XPC: variants seen among roughly 807,000 people sequenced by gnomAD.
XPC encodes the protein DNA repair protein complementing XP-C cells.
In XPC, 76 loss-of-function variants were observed where a neutral mutation model predicts 95.8. The observed-to-expected ratio is 0.79, with a 90% CI of 0.66 to 0.96. The LOEUF (loss-of-function observed/expected upper bound fraction) is 0.96, where lower values mean the gene tolerates loss of function less well. Among genes scored for constraint, XPC ranks in the 40% least tolerant of loss-of-function variants. The pLI is 0.00. For missense variants in XPC, 1,146 were observed against 1,179.8 expected (o/e 0.97, Z 0.42); for synonymous variants, 442 against 442.1 (o/e 1.00, Z 0.00).
Position 14,167,257 on chromosome 3 carries a change from CAACA to C in XPC, c.537-8_537-5del, listed in dbSNP as rs1210551886. ...AAACTCCAGTTTTATCTTTTCACTG[CAACA>C]AATAGTGAAAAATCTGGGAATGAAG... On this transcript the variant is annotated splice_polypyrimidine_tract_variant and splice_region_variant and intron_variant, in intron 4 of 15. Coordinates refer to ENST00000285021, the MANE Select transcript of XPC (RefSeq NM_004628.5). 7.5e-6 allele frequency: 12 copies of C among 1,609,550 alleles called. No homozygotes were observed. In the African/African-American group the frequency reaches 1.5e-4, roughly 20 times the overall value.
intron 12 of XPC, 30 bp downstream of exon 12, chr3:14,148,784 G>A (rs767343111): frequency 8.7e-6 from 14 of 1,613,484 alleles, no homozygotes; most frequent in Non-Finnish European, 1.1e-5. Flanking sequence ...AAGGCGGCCT[G>A]GTCCTGAGCC....
At chr3:14,167,836 G>A (rs968138069) in intron 4 of XPC, among the ~76,000 whole-genome samples, 5 of 152,140 alleles carry the variant, frequency 3.3e-5, no homozygotes, top group South Asian at 2.1e-4. Flanking sequence ...CTACCACGGC[G>A]GGCACTGCCT....
At chr3:14,148,147 C>T in intron 13 of XPC, 146 bp from the exon 14 acceptor site, 1 of 686,860 alleles carries the variant, frequency 1.5e-6, no homozygotes, top group Non-Finnish European at 2.5e-6. Context: ...CCCACATCCT[C>T]CGTGCAGAAG....
chr3:14,160,660 A>G (rs1481202843), intron 7 of XPC, among the ~76,000 whole-genome samples: 3 of 152,242 alleles, frequency 2.0e-5, no homozygotes, highest in Non-Finnish European at 4.4e-5. Flanking sequence ...GACTAAGGAG[A>G]CATGATGACT....
chr3:14,147,330 A>T lies in XPC; in HGVS notation c.2564T>A (p.Leu855Gln). The change falls in exon 15 of 16, where the codon CTG (leucine) becomes CAG (glutamine). Residue 855 changes from leucine (L) to glutamine (Q), a missense_variant. Leu to Gln is a moderately radical substitution (Grantham distance 113). Transcript: ENST00000285021. ...LGNWKLLAKG[L>Q]LIRERLKRRY... The stretch of plus-strand genomic sequence containing the variant: ...ACGCTTCAGCCTCTCCCTGATGAGC[A>T]GACCTTTGGCCAGCAACTTCCAGTT... 6.2e-7 allele frequency: 1 copy of T among 1,612,228 alleles called. No individual in the cohort carries two copies. The highest frequency in any genetic ancestry group is 1.3e-5 in the African/African-American group (1 of 75,016).
In XPC at chr3:14,159,905, T is replaced by A; in HGVS notation, c.901-75A>T. On this transcript the variant is annotated intron_variant, in intron 7 of 15. Coordinates refer to ENST00000285021, the MANE Select transcript of XPC (RefSeq NM_004628.5). ...GTAATGAGTTCAATGTTGTTTGTTA[T>A]GGTGCTTGTTCAAGACAGGGAAAAG... 5 of 1,412,734 alleles carry A rather than the reference T, an allele frequency of 3.5e-6. No homozygotes were observed. The African/African-American group carries it at 4.3e-5, about 12-fold the overall frequency. The allele number at this position is 1,412,734 out of a possible 1,614,324, so 87.5% of individuals were successfully genotyped here. A position where few individuals can be genotyped will look rare whatever the true frequency, so the allele number is the denominator to read the frequency against.
At chr3:14,176,913 C>T (rs1463280642) in intron 1 of XPC, among the ~76,000 whole-genome samples, 1 of 152,176 alleles carries the variant, frequency 6.6e-6, no homozygotes, top group East Asian at 1.9e-4. Flanking sequence ...CCAGCCTGGC[C>T]AACATGGCGA....
chr3:14,178,530 T>G lies in XPC; in HGVS notation c.39A>C (p.Gly13=). ...RKRAAGGEPR[G]RELRSQKSKA... ...TGGATTTCTGGCTGCGCAGTTCGCG[T>G]CCCCGCGGCTCCCCGCCGGCCGCGC... The change falls in exon 1 of 16, where the codon GGA becomes GGC. Residue 13 remains glycine, a synonymous_variant. Transcript: ENST00000285021. The G allele has an allele frequency of 1.2e-6, 2 of 1,612,670 alleles. No homozygotes were observed. The highest frequency in any genetic ancestry group is 1.7e-6 in the Non-Finnish European group (2 of 1,179,594).
chr3:14,146,376 G>A (rs192060420), intron 15 of XPC, among the ~76,000 whole-genome samples: 3 of 152,242 alleles, frequency 2.0e-5, no homozygotes, highest in African/African-American at 7.2e-5. Flanking sequence ...CCTGCTACGA[G>A]CTGAGTGCAG....
At chr3:14,162,668 C>A (rs1246108995) in intron 7 of XPC, among the ~76,000 whole-genome samples, 1 of 152,108 alleles carries the variant, frequency 6.6e-6, no homozygotes, top group African/African-American at 2.4e-5. Flanking sequence ...AAATCTCTTA[C>A]AAGAAAACAC....
intron 15 of XPC, 108 bp downstream of exon 15, chr3:14,147,182 G>T: frequency 8.5e-7 from 1 of 1,173,170 alleles, no homozygotes; most frequent in Non-Finnish European, 1.2e-6. Flanking sequence ...CTAACACAAA[G>T]CTATCCCTGA....
At chr3:14,164,123 G>A (rs1574968329) in intron 7 of XPC, among the ~76,000 whole-genome samples, 1 of 152,316 alleles carries the variant, frequency 6.6e-6, no homozygotes, top group Middle Eastern at 3.4e-3. Flanking sequence ...AAATATCTTA[G>A]ACTTGTTAAA....
chr3:14,172,362 A>C (rs1296167684), intron 2 of XPC, among the ~76,000 whole-genome samples: 1 of 152,160 alleles, frequency 6.6e-6, no homozygotes, highest in Non-Finnish European at 1.5e-5. Context: ...GAATCAGTGA[A>C]GCCTCTGGAG....
Position 14,145,324 on chromosome 3 carries a change from T to C in XPC, c.*617A>G. ...TTCCTTTTCTTTCCTGATTTTAGCT[T>C]TTTTTAGGCTTCTGTCACCACAAAA... On this transcript the variant is annotated 3_prime_UTR_variant, in exon 16 of 16. Coordinates refer to ENST00000285021, the MANE Select transcript of XPC (RefSeq NM_004628.5). 1.4e-6 allele frequency: 1 copy of C among 698,532 alleles called. No individual in the cohort carries two copies. Among genetic ancestry groups the C allele is most frequent in the South Asian group, 1.5e-5 (1 of 66,834 alleles). 43.3% of individuals were successfully genotyped at this position (698,532 alleles called of 1,614,324 possible).
rs920032032 is a variant in XPC at position 14,146,168 on chromosome 3, G to A, written c.2605-9C>T. ...GGAGCTGCTGCCTCACTCTGGACAG[G>A]TGGCAGTGGTGGGAGGACACAGGCG... On this transcript the variant is annotated splice_polypyrimidine_tract_variant and intron_variant, in intron 15 of 15. Coordinates refer to ENST00000285021, the MANE Select transcript of XPC (RefSeq NM_004628.5). 1.9e-6 allele frequency: 3 copies of A among 1,599,322 alleles called. No individual in the cohort carries two copies. Among genetic ancestry groups the A allele is most frequent in the Non-Finnish European group, 2.6e-6 (3 of 1,174,406 alleles).
Position 14,168,260 on chromosome 3 carries a change from C to T in XPC, c.533G>A (p.Arg178Lys), listed in dbSNP as rs866756149. 1.9e-6 allele frequency: 3 copies of T among 1,610,882 alleles called. No individual in the cohort carries two copies. The Admixed American group carries it at 5.1e-5, about 27-fold the overall frequency. The change falls in exon 4 of 16, where the codon AGA becomes AAA. Residue 178 changes from arginine (R) to lysine (K), a missense_variant. Coordinates refer to ENST00000285021, the MANE Select transcript of XPC (RefSeq NM_004628.5). ...ETPEQAKTRE[R>K]SEKIKLEFET... ...AGAAGCAAGGGCCTAAGCTTACCTT[C>T]TTTCTCTTGTCTTCGCCTGCTCTGG...
In XPC at chr3:14,145,889, C is replaced by T. The variant is rs927299460; in HGVS notation, c.*52G>A. ...GGGCATGCCCAGGGCAGGTGTGGGGCCTGTAGTGGGGCAGCAGCAACTGGT... is the reference window on the plus strand; with the variant it reads ...GGGCATGCCCAGGGCAGGTGTGGGGTCTGTAGTGGGGCAGCAGCAACTGGT... On this transcript the variant is annotated 3_prime_UTR_variant, in exon 16 of 16. Transcript: ENST00000285021. 2 of 1,573,128 alleles carry T rather than the reference C, an allele frequency of 1.3e-6. No individual in the cohort carries two copies. The highest frequency in any genetic ancestry group is 1.7e-6 in the Non-Finnish European group (2 of 1,154,678).
rs755615146 is a variant in XPC, at chr3:14,148,545, G to A, written c.2420+17C>T. On this transcript the variant is annotated intron_variant, in intron 13 of 15. Coordinates refer to ENST00000285021, the MANE Select transcript of XPC (RefSeq NM_004628.5). ...CCCATCCCTGTGTTTAGCCTCCATC[G>A]AAGGCCCCTCACGCACACGGGATGG... 16 of 1,612,934 alleles carry A rather than the reference G, an allele frequency of 9.9e-6. No individual in the cohort carries two copies. The East Asian group carries it at 2.2e-4, about 22-fold the overall frequency.
chr3:14,164,234 G>A (rs1197324806), intron 7 of XPC: 1 of 152,232 alleles, frequency 6.6e-6, no homozygotes, highest in African/African-American at 2.4e-5. Flanking sequence ...AATCTTCTAG[G>A]GATAAAACCA....
Sources: gnomAD v4.1 joint callset for allele counts (sites outside exome capture counted in the v4.1 genomes callset) on GRCh38, gnomAD v4.1.1 for gene constraint, MANE v1.5 for transcripts, NCBI Gene and HGNC (gene_info 2026-07-23, HGNC 2026-07-21) for gene names.